ADH6: variants seen among roughly 807,000 people sequenced by gnomAD.
ADH6 encodes the protein alcohol dehydrogenase 6.
ADH6 carries 34 observed loss-of-function variants against 36.5 expected under a neutral mutation model. That is an observed-to-expected ratio of 0.93 (90% CI 0.71 to 1.24). The LOEUF is 1.24. Among genes scored for constraint, ADH6 ranks in the 50% most tolerant of loss-of-function variants. ADH6 has a pLI of 0.00. For missense variants in ADH6, 440 were observed against 447.0 expected (o/e 0.98, Z 0.14); for synonymous variants, 161 against 155.5 (o/e 1.04, Z -0.26).
intron 7 of ADH6, 56 bp from the exon 8 acceptor site, chr4:99,205,119 G>T: frequency 6.7e-7 from 1 of 1,489,286 alleles, no homozygotes; most frequent in Non-Finnish European, 8.9e-7. Flanking sequence ...ATAAAGGAAA[G>T]GTCATTCAAA....
intron 6 of ADH6, 147 bp from the exon 7 acceptor site, chr4:99,207,728 G>A: frequency 2.2e-6 from 2 of 890,456 alleles, no homozygotes; most frequent in Admixed American, 2.8e-5. Flanking sequence ...CATTTATCTT[G>A]TAAGGATGCT....
intron 1 of ADH6, among the ~76,000 whole-genome samples, chr4:99,217,242 T>C (rs1234818037): frequency 1.3e-5 from 2 of 152,150 alleles, no homozygotes; most frequent in African/African-American, 2.4e-5. Flanking sequence ...TTCACTGTGT[T>C]AGCCAGGATG....
Position 99,202,737 on chromosome 4 carries a change from C to G in ADH6, c.*1482G>C. 1 of 398,176 alleles carries G rather than the reference C, an allele frequency of 2.5e-6. No homozygotes were observed. The highest frequency in any genetic ancestry group is 4.4e-6 in the Non-Finnish European group (1 of 225,750). The allele number at this position is 398,176 out of a possible 1,614,324, so 24.7% of individuals were successfully genotyped here. A position where few individuals can be genotyped will look rare whatever the true frequency, so the allele number is the denominator to read the frequency against. On this transcript the variant is annotated 3_prime_UTR_variant, in exon 9 of 9. Coordinates refer to ENST00000394899, the MANE Select transcript of ADH6 (RefSeq NM_001102470.2). ...TTGGATTTCCCAAGACCCGAAGACT[C>G]CTCCAAGTTCTCACTGTTAGTAAGG...
chr4:99,209,876 T>C (rs1196216676), intron 5 of ADH6, among the ~76,000 whole-genome samples: 1 of 152,164 alleles, frequency 6.6e-6, no homozygotes, highest in African/African-American at 2.4e-5. Flanking sequence ...CCAGACTTAA[T>C]CTGTCTTTTA....
rs895088739 is a variant in ADH6 at position 99,203,826 on chromosome 4, T to A, written c.*393A>T. 7 of 167,680 alleles carry A rather than the reference T, an allele frequency of 4.2e-5. No individual in the cohort carries two copies. The highest frequency in any genetic ancestry group is 1.7e-4 in the African/African-American group (7 of 42,240). The allele number at this position is 167,680 out of a possible 1,614,324, so 10.4% of individuals were successfully genotyped here. A position where few individuals can be genotyped will look rare whatever the true frequency, so the allele number is the denominator to read the frequency against. ...TAAACTCATTAATGCGGAGTTTTGT[T>A]TCTTTAGAGTAAAATGGCAGAGTTT... On this transcript the variant is annotated 3_prime_UTR_variant, in exon 9 of 9. Transcript: ENST00000394899.
chr4:99,210,911 GA>G (rs1371917243), intron 3 of ADH6, among the ~76,000 whole-genome samples: 1 of 151,840 alleles, frequency 6.6e-6, no homozygotes, highest in Non-Finnish European at 1.5e-5. Context: ...GGATTAGGGA[GA>G]AAAAAAATTG....
chr4:99,203,899 G>C lies in ADH6; in HGVS notation c.*320C>G. 3.5e-6 allele frequency: 1 copy of C among 288,916 alleles called. No individual in the cohort carries two copies. The highest frequency in any genetic ancestry group is 6.4e-6 in the Non-Finnish European group (1 of 157,234). The allele number at this position is 288,916 out of a possible 1,614,324, so 17.9% of individuals were successfully genotyped here. Reference sequence around the variant, plus strand: ...ACATATAGTGTACAAGAATATAAAGGTCCACAGGTAGAGGAACTATGAAAA... The same window carrying C: ...ACATATAGTGTACAAGAATATAAAGCTCCACAGGTAGAGGAACTATGAAAA... On this transcript the variant is annotated 3_prime_UTR_variant, in exon 9 of 9. Transcript: ENST00000394899.
Position 99,207,446 on chromosome 4 carries a change from C to G in ADH6, c.964G>C (p.Gly322Arg), listed in dbSNP as rs750527687. 24 of 1,612,912 alleles carry G rather than the reference C, an allele frequency of 1.5e-5. No individual in the cohort carries two copies. The highest frequency in any genetic ancestry group is 1.6e-4 in the Middle Eastern group (1 of 6,078). The change falls in exon 7 of 9, where the codon GGC (glycine) becomes CGC (arginine). Residue 322 changes from glycine (G) to arginine (R), a missense_variant and splice_region_variant. Gly to Arg is a moderately radical substitution (Grantham distance 125, BLOSUM62 -2). Transcript: ENST00000394899. ...GRSLKGSVFG[G>R]WKSRQHIPKL... Reference sequence around the variant, plus strand: ...CCACCTTTCCCTGCTTCATCCATACCTCCAAAAACAGAACCCTTCAAAGAA... The same window carrying G: ...CCACCTTTCCCTGCTTCATCCATACGTCCAAAAACAGAACCCTTCAAAGAA...
chr4:99,216,699 G>A (rs1387906817), intron 1 of ADH6, among the ~76,000 whole-genome samples: 1 of 151,892 alleles, frequency 6.6e-6, no homozygotes, highest in Admixed American at 6.6e-5. Context: ...ACAAAAATTA[G>A]CCAGGTGTGG....
Position 99,216,271 on chromosome 4 carries a change from T to C in ADH6, c.19-9A>G. 1.3e-6 allele frequency: 2 copies of C among 1,543,386 alleles called. No homozygotes were observed. Among genetic ancestry groups the C allele is most frequent in the Non-Finnish European group, 1.8e-6 (2 of 1,142,220 alleles). On this transcript the variant is annotated splice_polypyrimidine_tract_variant and intron_variant, in intron 1 of 8. Transcript: ENST00000394899. ...GCTTTGCATCTGATGACCTGGGAAA[T>C]AGAATACAGGGGCAGAAAGAGAAGC...
At chr4:99,212,313 C>T (rs28720148) in intron 3 of ADH6, among the ~76,000 whole-genome samples, 1,946 of 152,052 alleles carry the variant, frequency 0.013, 43 homozygotes, top group African/African-American at 0.044. Context: ...TAATCTTTGC[C>T]GATCTGCTAG....
intron 2 of ADH6, among the ~76,000 whole-genome samples, chr4:99,215,046 G>GT (rs1355246210): frequency 6.6e-6 from 1 of 152,184 alleles, no homozygotes; most frequent in Admixed American, 6.5e-5. Flanking sequence ...CTCTGCTATA[G>GT]TGCCCATATC....
At chr4:99,210,851 G>A (rs1382364457) in intron 3 of ADH6, among the ~76,000 whole-genome samples, 1 of 151,862 alleles carries the variant, frequency 6.6e-6, no homozygotes, top group Non-Finnish European at 1.5e-5. Context: ...CCTCTCTCAG[G>A]GATTGAATTT....
At chr4:99,206,959 TA>T (rs1731058548) in intron 7 of ADH6, among the ~76,000 whole-genome samples, 1 of 152,118 alleles carries the variant, frequency 6.6e-6, no homozygotes, top group African/African-American at 2.4e-5. Context: ...AAATAATTCT[TA>T]TTTTTTTTAA....
chr4:99,213,826 T>A lies in ADH6; in HGVS notation c.121-79A>T, dbSNP rs1346850791. The stretch of plus-strand genomic sequence containing the variant: ...TTAGAGTTGTTGACTGTAAGGCTTT[T>A]TGCTAGTTTGATATTCTCCATTTAT... On this transcript the variant is annotated intron_variant, in intron 2 of 8. Transcript: ENST00000394899. The A allele has an allele frequency of 5.4e-6, 7 of 1,297,074 alleles. No individual in the cohort carries two copies. The South Asian group carries it at 1.3e-4, about 25-fold the overall frequency. The allele number at this position is 1,297,074 out of a possible 1,614,324, so 80.3% of individuals were successfully genotyped here.
At position 99,208,665 on chromosome 4, in the gene ADH6, T is replaced by C. The variant is rs1429895733; in HGVS notation, c.828+3A>G. ...GTAATTTTCACTCCAGAGGATTACATACCAGAACGTCCAGATTTCCAATGG... is the reference window on the plus strand; with the variant it reads ...GTAATTTTCACTCCAGAGGATTACACACCAGAACGTCCAGATTTCCAATGG... On this transcript the variant is annotated splice_donor_region_variant and intron_variant, in intron 6 of 8. Coordinates refer to ENST00000394899, the MANE Select transcript of ADH6 (RefSeq NM_001102470.2). The C allele has an allele frequency of 6.2e-7, 1 of 1,611,882 alleles. No individual in the cohort carries two copies. Among genetic ancestry groups the C allele is most frequent in the Non-Finnish European group, 8.5e-7 (1 of 1,178,838 alleles).
chr4:99,214,812 TTGCC>T (rs1162730179), intron 2 of ADH6, among the ~76,000 whole-genome samples: 1 of 152,208 alleles, frequency 6.6e-6, no homozygotes, highest in East Asian at 1.9e-4. Flanking sequence ...ATTGCCTGAA[TTGCC>T]TGCAACCCAA....
chr4:99,210,629 T>C (rs1731192432), intron 3 of ADH6, 127 bp from the exon 4 acceptor site: 1 of 692,278 alleles, frequency 1.4e-6, no homozygotes, highest in African/African-American at 1.8e-5. Context: ...CCACATTCAG[T>C]TGTGCTTGAT....
intron 5 of ADH6, among the ~76,000 whole-genome samples, chr4:99,209,364 A>G (rs1731145410): frequency 6.6e-6 from 1 of 151,984 alleles, no homozygotes; most frequent in Non-Finnish European, 1.5e-5. Flanking sequence ...TGTGAAGGCA[A>G]AGGCTTTTTT....
Sources: allele counts gnomAD v4.1 joint callset (sites outside exome capture counted in the v4.1 genomes callset), GRCh38; gene constraint gnomAD v4.1.1; transcripts MANE v1.5; gene names NCBI Gene and HGNC (gene_info 2026-07-23, HGNC 2026-07-21).